Variants in ACSS3 observed in about 807,000 individuals in gnomAD.
The protein encoded by ACSS3 is acyl-CoA synthetase short chain family member 3.
In ACSS3, 64 loss-of-function variants were observed where a neutral mutation model predicts 84.2. The observed-to-expected ratio is 0.76, with a 90% CI of 0.62 to 0.94. The LOEUF (loss-of-function observed/expected upper bound fraction) is 0.94, where lower values mean the gene tolerates loss of function less well. Among genes scored for constraint, ACSS3 ranks in the 40% least tolerant of loss-of-function variants. The probability of loss-of-function intolerance (pLI) is 0.00; values close to 1 mark genes in which losing one functional copy is unlikely to be tolerated. For missense variants in ACSS3, 815 were observed against 867.6 expected, an observed-to-expected ratio of 0.94 and a Z score of 0.76; for synonymous variants, 317 against 310.1, an observed-to-expected ratio of 1.02 and a Z score of -0.23.
Position 81,259,523 on chromosome 12 carries a change from C to A in ACSS3, c.*4601C>A. On this transcript the variant is annotated 3_prime_UTR_variant, in exon 16 of 16. Coordinates refer to ENST00000548058, the MANE Select transcript of ACSS3 (RefSeq NM_024560.4). ...TAATCAAATGTAATATCTGACTCCC[C>A]CCAAAAATCACATTTTTCAGCTTTT... 1.9e-6 allele frequency: 2 copies of A among 1,046,108 alleles called. No individual in the cohort carries two copies. The highest frequency in any genetic ancestry group is 2.8e-6 in the Non-Finnish European group (2 of 715,554). The allele number at this position is 1,046,108 out of a possible 1,614,324, so 64.8% of individuals were successfully genotyped here.
intron 9 of ACSS3, chr12:81,199,777 C>T: frequency 1.0e-6 from 1 of 957,512 alleles, no homozygotes; most frequent in Non-Finnish European, 1.5e-6. Flanking sequence ...TTCAGTATTC[C>T]CCTTGCCTTT....
intron 12 of ACSS3, among the ~76,000 whole-genome samples, chr12:81,231,473 A>G (rs1371688015): frequency 6.6e-6 from 1 of 151,816 alleles, no homozygotes; most frequent in Non-Finnish European, 1.5e-5. Flanking sequence ...ATTCCTCTGT[A>G]TCAACAGACA....
At chr12:81,157,869 G>A (rs1002811481) in intron 7 of ACSS3, among the ~76,000 whole-genome samples, 3 of 150,784 alleles carry the variant, frequency 2.0e-5, no homozygotes, top group African/African-American at 7.3e-5. Flanking sequence ...ACACCAGAAG[G>A]GTAGAAATAA....
chr12:81,248,449 C>T (rs1255058358), intron 13 of ACSS3, among the ~76,000 whole-genome samples: 1 of 151,888 alleles, frequency 6.6e-6, no homozygotes, highest in Non-Finnish European at 1.5e-5. Context: ...TGAAAGGATC[C>T]AGGCACAGAA....
chr12:81,236,097 TA>T (rs1474049362), intron 13 of ACSS3, among the ~76,000 whole-genome samples: 3 of 151,488 alleles, frequency 2.0e-5, no homozygotes, highest in Non-Finnish European at 4.4e-5. Context: ...GGTATTTCTG[TA>T]AACACACACT....
chr12:81,183,262 A>G (rs1257505031), intron 8 of ACSS3, among the ~76,000 whole-genome samples: 1 of 152,206 alleles, frequency 6.6e-6, no homozygotes, highest in Non-Finnish European at 1.5e-5. Context: ...TTTGCTGGTT[A>G]CAAGATGTTT....
chr12:81,133,893 G>C (rs1357351930), intron 2 of ACSS3, among the ~76,000 whole-genome samples: 1 of 151,908 alleles, frequency 6.6e-6, no homozygotes, highest in Non-Finnish European at 1.5e-5. Context: ...AAAGAATGTT[G>C]AACTACTTAT....
Position 81,204,366 on chromosome 12 carries a change from C to T in ACSS3, c.1354+4922C>T, listed in dbSNP as rs1483366760. Among the ~76,000 whole-genome samples the T allele has an allele frequency of 2.0e-5, 3 of 149,490 alleles. No homozygotes were observed. In the Admixed American group the frequency reaches 2.0e-4, roughly 10 times the overall value. On this transcript the variant is annotated intron_variant, in intron 9 of 15. Coordinates refer to ENST00000548058, the MANE Select transcript of ACSS3 (RefSeq NM_024560.4). ...CTTCCTTCCCTCCCTTCCTCCCTCC[C>T]CCCTCGTTCTCTTCCTCCCTTCTTT...
intron 9 of ACSS3, among the ~76,000 whole-genome samples, chr12:81,211,100 GGGA>G (rs2032573426): frequency 6.6e-6 from 1 of 151,842 alleles, no homozygotes; most frequent in Non-Finnish European, 1.5e-5. Flanking sequence ...CCCAATAGCT[GGGA>G]CTACTGGGTG....
At chr12:81,139,342 G>T in intron 4 of ACSS3, 77 bp downstream of exon 4, 1 of 1,507,846 alleles carries the variant, frequency 6.6e-7, no homozygotes, top group East Asian at 2.3e-5. Context: ...ATTTAAAAGA[G>T]ACATTTGATT....
At chr12:81,201,663 G>A (rs1372297018) in intron 9 of ACSS3, among the ~76,000 whole-genome samples, 1 of 152,120 alleles carries the variant, frequency 6.6e-6, no homozygotes, top group Non-Finnish European at 1.5e-5. Context: ...AATCAGGTTG[G>A]AGTGACTGTT....
intron 1 of ACSS3, among the ~76,000 whole-genome samples, chr12:81,089,156 T>A (rs1881508754): frequency 6.6e-6 from 1 of 152,034 alleles, no homozygotes; most frequent in Non-Finnish European, 1.5e-5. Context: ...AATAGCCTAA[T>A]TAATTTGTCT....
At chr12:81,182,476 G>T (rs1358011784) in intron 8 of ACSS3, among the ~76,000 whole-genome samples, 1 of 152,096 alleles carries the variant, frequency 6.6e-6, no homozygotes, top group East Asian at 1.9e-4. Flanking sequence ...TAGAGGTAAT[G>T]GTGGTGCATA....
At chr12:81,105,002 G>A (rs1882857392) in intron 1 of ACSS3, among the ~76,000 whole-genome samples, 1 of 152,096 alleles carries the variant, frequency 6.6e-6, no homozygotes, top group Non-Finnish European at 1.5e-5. Context: ...AGGTTATTCA[G>A]TAATCTGCAG....
At chr12:81,118,460 C>A (rs1884248665) in intron 2 of ACSS3, among the ~76,000 whole-genome samples, 3 of 152,084 alleles carry the variant, frequency 2.0e-5, no homozygotes, top group Admixed American at 1.3e-4. Context: ...ATTTTAATAT[C>A]CACACAGAGA....
At chr12:81,220,572 T>C (rs535810736) in intron 11 of ACSS3, among the ~76,000 whole-genome samples, 9 of 152,058 alleles carry the variant, frequency 5.9e-5, no homozygotes, top group Admixed American at 5.9e-4. Flanking sequence ...CAACAGGCAG[T>C]TTTTCAACCC....
At chr12:81,151,734 C>A in intron 5 of ACSS3, 110 bp from the exon 6 acceptor site, 1 of 834,016 alleles carries the variant, frequency 1.2e-6, no homozygotes, top group South Asian at 2.1e-5. Context: ...TAACTTGTAG[C>A]TAATATATAA....
chr12:81,229,794 A>C (rs917624164), intron 11 of ACSS3, among the ~76,000 whole-genome samples: 1 of 151,940 alleles, frequency 6.6e-6, no homozygotes, highest in Non-Finnish European at 1.5e-5. Flanking sequence ...AAATAATTTG[A>C]AATAAAGAGC....
chr12:81,178,534 C>T (rs546127698), intron 8 of ACSS3, among the ~76,000 whole-genome samples: 1 of 151,756 alleles, frequency 6.6e-6, no homozygotes, highest in Non-Finnish European at 1.5e-5. Flanking sequence ...TAAAAAATGC[C>T]ATCCCATTCA....
Sources: allele counts gnomAD v4.1 joint callset (sites outside exome capture counted in the v4.1 genomes callset), GRCh38; gene constraint gnomAD v4.1.1; transcripts MANE v1.5; gene names NCBI Gene and HGNC (gene_info 2026-07-23, HGNC 2026-07-21).